Variants in CNKSR3 observed in about 807,000 individuals in gnomAD.
CNKSR3 encodes the protein connector enhancer of kinase suppressor of ras 3.
A neutral mutation model predicts 67.7 loss-of-function variants in CNKSR3; 36 were observed. The ratio of observed to expected loss-of-function variants is 0.53; its 90% CI spans 0.41 to 0.70. CNKSR3 has a LOEUF of 0.70. Among genes scored for constraint, CNKSR3 ranks in the 30% least tolerant of loss-of-function variants. CNKSR3 has a pLI of 0.00. For synonymous variants in CNKSR3, 281 were observed against 271.4 expected (o/e 1.04, Z -0.35); for missense variants, 630 against 695.2 (o/e 0.91, Z 1.05).
intron 1 of CNKSR3, among the ~76,000 whole-genome samples, chr6:154,488,230 G>C (rs1286476827): frequency 6.6e-6 from 1 of 152,196 alleles, no homozygotes; most frequent in Non-Finnish European, 1.5e-5. Context: ...ATTGGTGTGA[G>C]ATCTTTTGAT....
intron 1 of CNKSR3, among the ~76,000 whole-genome samples, chr6:154,473,859 AC>A: frequency 6.6e-6 from 1 of 151,676 alleles, no homozygotes; most frequent in Admixed American, 6.6e-5. Context: ...ATCTCAGCTC[AC>A]TGCAACCTCC....
intron 5 of CNKSR3, among the ~76,000 whole-genome samples, chr6:154,432,617 A>G (rs1175203123): frequency 6.6e-6 from 1 of 152,108 alleles, no homozygotes; most frequent in Non-Finnish European, 1.5e-5. Flanking sequence ...ATTTTCCCCT[A>G]TGTTATCTTT....
chr6:154,470,256 A>G (rs1786299430), intron 1 of CNKSR3, among the ~76,000 whole-genome samples: 1 of 127,062 alleles, frequency 7.9e-6, no homozygotes, highest in African/African-American at 3.0e-5. Flanking sequence ...GCTGGAGTGC[A>G]GTGGTGCAAT....
At chr6:154,414,623 A>G (rs987942798) in intron 9 of CNKSR3, 200 bp from the exon 10 acceptor site, 2 of 659,842 alleles carry the variant, frequency 3.0e-6, no homozygotes, top group Non-Finnish European at 5.7e-6. Flanking sequence ...GATTTGAATG[A>G]CGATGTATAG....
At chr6:154,432,708 C>A (rs1161084600) in intron 5 of CNKSR3, among the ~76,000 whole-genome samples, 1 of 152,192 alleles carries the variant, frequency 6.6e-6, no homozygotes, top group Non-Finnish European at 1.5e-5. Flanking sequence ...ATGCCAAACA[C>A]TGACAAGGTA....
intron 1 of CNKSR3, among the ~76,000 whole-genome samples, chr6:154,479,948 C>T (rs1402006808): frequency 6.6e-6 from 1 of 152,214 alleles, no homozygotes; most frequent in East Asian, 1.9e-4. Context: ...CCTGAACAGA[C>T]TGGGGGTTTA....
intron 1 of CNKSR3, among the ~76,000 whole-genome samples, chr6:154,466,061 G>T (rs1238573536): frequency 6.6e-6 from 1 of 152,160 alleles, no homozygotes; most frequent in Non-Finnish European, 1.5e-5. Context: ...CTACCTATAT[G>T]TTCCAAATTT....
At chr6:154,441,462 C>A in intron 3 of CNKSR3, 83 bp from the exon 4 acceptor site, 1 of 930,456 alleles carries the variant, frequency 1.1e-6, no homozygotes. Context: ...CATAGCTACC[C>A]CATGGGCTAC....
intron 1 of CNKSR3, among the ~76,000 whole-genome samples, chr6:154,466,453 A>G (rs1425036720): frequency 6.6e-6 from 1 of 151,992 alleles, no homozygotes; most frequent in South Asian, 2.1e-4. Flanking sequence ...AATATTGTAA[A>G]CCCTGACTGA....
In CNKSR3 at chr6:154,450,142, C is replaced by T. The variant is rs775034745; in HGVS notation, c.169G>A (p.Gly57Arg). ...GCCTCCAACACAAGCTCCTGGTGTC[C>T]AATCCGTGTGACCCCCAGCTCCTCC... ...DLEELGVTRI[G>R]HQELVLEAVD... The change falls in exon 2 of 13, where the codon GGA (glycine) becomes AGA (arginine). Residue 57 changes from glycine (G) to arginine (R), a missense_variant. Around this residue, in one of 3 missense-constraint regions of CNKSR3, gnomAD observed 189 missense variants for 205.0 expected, o/e 0.92. Transcript: ENST00000607772. 2.5e-6 allele frequency: 4 copies of T among 1,613,986 alleles called. No individual in the cohort carries two copies. The highest frequency in any genetic ancestry group is 2.5e-6 in the Non-Finnish European group (3 of 1,180,012).
rs1231060435 is a variant in CNKSR3 at position 154,389,686 on chromosome 6, G to C, written c.*16668C>G. ...CATTTTTTAAACATGTTAGAATAAA[G>C]GAATTCAATAAAGTTGCATAATACA... On this transcript the variant is annotated 3_prime_UTR_variant, in exon 13 of 13. Transcript: ENST00000607772. The C allele has an allele frequency of 7.2e-6, 1 of 139,252 alleles. No individual in the cohort carries two copies. The highest frequency in any genetic ancestry group is 1.5e-5 in the Non-Finnish European group (1 of 64,566). 8.6% of individuals were successfully genotyped at this position (139,252 alleles called of 1,614,324 possible).
rs575461076 is a variant in CNKSR3 at position 154,471,088 on chromosome 6, A to T, written c.53-20830T>A. ...AGACAGTGGAAGAAAAAAAATCCAT[A>T]TTACGCCAAGACAGTATTCCCAAAC... is the stretch of plus-strand genomic sequence containing the variant. On this transcript the variant is annotated intron_variant, in intron 1 of 12. Transcript: ENST00000607772. Among the ~76,000 whole-genome samples, 170 of 152,318 alleles carry T rather than the reference A, an allele frequency of 1.1e-3. 1 individual carries two copies. The highest frequency in any genetic ancestry group is 3.8e-3 in the African/African-American group (158 of 41,574).
intron 2 of CNKSR3, among the ~76,000 whole-genome samples, chr6:154,442,539 G>A (rs1309609456): frequency 9.2e-5 from 14 of 151,982 alleles, no homozygotes; most frequent in Admixed American, 7.9e-4. Flanking sequence ...GGAGAATGGC[G>A]TGAACCCGGG....
chr6:154,510,498 C>T lies in CNKSR3; in HGVS notation c.-384G>A. On this transcript the variant is annotated 5_prime_UTR_variant, in exon 1 of 13. Coordinates refer to ENST00000607772, the MANE Select transcript of CNKSR3 (RefSeq NM_173515.4). ...CGGATCTCTCGAGGCGCGATCGGCTCTCCCTCGGCCGGTCTTCTCGCCTGC... is the reference window on the plus strand; with the variant it reads ...CGGATCTCTCGAGGCGCGATCGGCTTTCCCTCGGCCGGTCTTCTCGCCTGC... The T allele has an allele frequency of 4.2e-6, 1 of 237,396 alleles. No homozygotes were observed. The highest frequency in any genetic ancestry group is 8.1e-6 in the Non-Finnish European group (1 of 123,124). 14.7% of individuals were successfully genotyped at this position (237,396 alleles called of 1,614,324 possible). A position where few individuals can be genotyped will look rare whatever the true frequency, so the allele number is the denominator to read the frequency against.
intron 7 of CNKSR3, among the ~76,000 whole-genome samples, chr6:154,423,612 A>T (rs1041964773): frequency 6.6e-6 from 1 of 152,242 alleles, no homozygotes; most frequent in South Asian, 2.1e-4. Flanking sequence ...ATCTAAAAAA[A>T]TTCTTACACA....
At position 154,414,292 on chromosome 6, in the gene CNKSR3, A is replaced by G. The variant is rs186387113; in HGVS notation, c.1070+7T>C. 11 of 1,582,570 alleles carry G rather than the reference A, an allele frequency of 7.0e-6. No homozygotes were observed. The East Asian group carries it at 2.2e-4, about 32-fold the overall frequency. ...CAAGCATACCATGACAATGGACAGC[A>G]ACATACCGGGGAGAGTAGGGAACAG... On this transcript the variant is annotated splice_region_variant and intron_variant, in intron 10 of 12. Coordinates refer to ENST00000607772, the MANE Select transcript of CNKSR3 (RefSeq NM_173515.4).
intron 1 of CNKSR3, among the ~76,000 whole-genome samples, chr6:154,485,156 A>C (rs1786642590): frequency 6.6e-6 from 1 of 152,218 alleles, no homozygotes; most frequent in Non-Finnish European, 1.5e-5. Flanking sequence ...TACATGAATC[A>C]TTAATTATGA....
At position 154,388,549 on chromosome 6, in the gene CNKSR3, A is replaced by C. The variant is rs1393470171; in HGVS notation, c.*17805T>G. The C allele has an allele frequency of 2.0e-5, 3 of 152,254 alleles. No homozygotes were observed. Among genetic ancestry groups the C allele is most frequent in the Non-Finnish European group, 4.4e-5 (3 of 68,038 alleles). 9.4% of individuals were successfully genotyped at this position (152,254 alleles called of 1,614,324 possible). A position where few individuals can be genotyped will look rare whatever the true frequency, so the allele number is the denominator to read the frequency against. ...TATCCAGAAATAGGGTTGCTAGGTC[A>C]CATGGCAGTTCTATTTTTACATTTT... On this transcript the variant is annotated 3_prime_UTR_variant, in exon 13 of 13. Transcript: ENST00000607772.
chr6:154,441,955 A>G, intron 3 of CNKSR3, 133 bp downstream of exon 3: 1 of 763,924 alleles, frequency 1.3e-6, no homozygotes, highest in East Asian at 2.8e-5. Flanking sequence ...CCACTGATCG[A>G]GGACTCCTTA....
Sources: gnomAD v4.1 joint callset for allele counts (sites outside exome capture counted in the v4.1 genomes callset) on GRCh38, gnomAD v4.1.1 for gene constraint, gnomAD v4.1.1 regional missense constraint, MANE v1.5 for transcripts, NCBI Gene and HGNC (gene_info 2026-07-23, HGNC 2026-07-21) for gene names.